ANKK1: variants seen among roughly 807,000 people sequenced by gnomAD.
ANKK1 encodes ankyrin repeat and protein kinase domain-containing protein 1.
A neutral mutation model predicts 37.6 loss-of-function variants in ANKK1; 37 were observed. That is an observed-to-expected ratio of 0.98 (90% CI 0.76 to 1.29). ANKK1 has a LOEUF of 1.29. Among genes scored for constraint, ANKK1 ranks in the 50% most tolerant of loss-of-function variants. ANKK1 has a pLI of 0.00. For synonymous variants in ANKK1, 415 were observed against 418.7 expected (o/e 0.99, Z 0.11); for missense variants, 1,019 against 990.6 (o/e 1.03, Z -0.39).
In ANKK1 at chr11:113,399,197, C is replaced by T. The variant is rs771319801; in HGVS notation, c.1228C>T (p.Leu410Phe). The T allele has an allele frequency of 1.2e-6, 2 of 1,602,634 alleles. No homozygotes were observed. Among genetic ancestry groups the T allele is most frequent in the Admixed American group, 1.7e-5 (1 of 58,636 alleles). The change falls in exon 8 of 8, where the codon CTC becomes TTC. Residue 410 changes from leucine to phenylalanine, a missense_variant. Leu to Phe is a conservative substitution (Grantham distance 22, BLOSUM62 0). Transcript: ENST00000303941. ...LIAAQDQQPD[L>F]CALLLAHGAD... ...CGCCGCCCAGGACCAGCAACCCGAC[C>T]TCTGTGCCCTGCTTTTGGCACATGG...
rs914122175 is a variant in ANKK1, at chr11:113,387,812, G to C, written c.-73G>C. On this transcript the variant is annotated 5_prime_UTR_variant, in exon 1 of 8. Transcript: ENST00000303941. The stretch of plus-strand genomic sequence containing the variant: ...CTCCCGGACCCGAGGAGCAGGAAGC[G>C]GCGGCTCCTTCGGCCACCCAGGCAG... 6 of 1,414,768 alleles carry C rather than the reference G, an allele frequency of 4.2e-6. No homozygotes were observed. Among genetic ancestry groups the C allele is most frequent in the East Asian group, 5.3e-5 (2 of 37,492 alleles). 87.6% of individuals were successfully genotyped at this position (1,414,768 alleles called of 1,614,324 possible).
In ANKK1 at chr11:113,398,943, AC is replaced by A; in HGVS notation, c.995-17del. 6.5e-7 allele frequency: 1 copy of A among 1,542,844 alleles called. No homozygotes were observed. The highest frequency in any genetic ancestry group is 8.7e-7 in the Non-Finnish European group (1 of 1,143,516). On this transcript the variant is annotated intron_variant, in intron 7 of 7. Transcript: ENST00000303941. ...GACGGGTCACAGGTCTTTTTTTTCA[AC>A]CCCATCTTTCTCCCAGCAGACTCAG...
Position 113,398,982 on chromosome 11 carries a change from A to C in ANKK1, c.1013A>C (p.Lys338Thr). The C allele has an allele frequency of 6.3e-7, 1 of 1,582,008 alleles. No homozygotes were observed. The change falls in exon 8 of 8, where the codon AAG (lysine) becomes ACG (threonine). Residue 338 changes from lysine to threonine, a missense_variant. Lys to Thr is a moderately conservative substitution (Grantham distance 78). Coordinates refer to ENST00000303941, the MANE Select transcript of ANKK1 (RefSeq NM_178510.2). ...LMDSDSGNYL[K>T]RALQLSDRKN... ...CCAGCAGACTCAGGAAACTACCTGA[A>C]GCGGGCCCTTCAGCTCTCCGACCGT...
Position 113,397,350 on chromosome 11 carries a change from T to C in ANKK1, c.957+8T>C. 1.2e-6 allele frequency: 2 copies of C among 1,605,438 alleles called. No individual in the cohort carries two copies. The highest frequency in any genetic ancestry group is 1.7e-6 in the Non-Finnish European group (2 of 1,174,300). On this transcript the variant is annotated splice_region_variant and intron_variant, in intron 6 of 7. Transcript: ENST00000303941. ...CTGCGCCAGCCCGGGGAGGTGAGTG[T>C]GTGGGCTGGGCAGTCCTTATGGTCA... is the stretch of plus-strand genomic sequence containing the variant.
chr11:113,397,112 G>A (rs1950645019), intron 5 of ANKK1, 112 bp from the exon 6 acceptor site: 1 of 867,476 alleles, frequency 1.2e-6, no homozygotes, highest in Admixed American at 2.5e-5. Flanking sequence ...GAACATATGT[G>A]AGCCCAGGAA....
chr11:113,399,277 C>A lies in ANKK1; in HGVS notation c.1308C>A (p.Ala436=). 6.2e-7 allele frequency: 1 copy of A among 1,606,002 alleles called. No homozygotes were observed. Among genetic ancestry groups the A allele is most frequent in the East Asian group, 2.2e-5 (1 of 44,544 alleles). The change falls in exon 8 of 8, where the codon GCC becomes GCA. Residue 436 remains alanine (A), a synonymous_variant. Transcript: ENST00000303941. ...EDGWAPLHFA[A]QNGDDGTARL... is the part of the protein sequence containing the mutation. ...GCTGGGCCCCACTGCACTTTGCAGC[C>A]CAGAATGGGGATGACGGCACTGCGC...
chr11:113,396,080 G>A lies in ANKK1; in HGVS notation c.696G>A (p.Met232Ile), dbSNP rs746160993. Reference sequence around the variant, plus strand: ...CTCCCTTTGCAGGGTTCAACATGATGATGATTATTATCCGAGTGGCGGCAG... The same window carrying A: ...CTCCCTTTGCAGGGTTCAACATGATAATGATTATTATCCGAGTGGCGGCAG... The part of the protein sequence containing the change: ...QKKPYSGFNM[M>I]MIIIRVAAGM... Residue 232 changes from methionine to isoleucine, a missense_variant, in exon 5 of 8, where the codon ATG becomes ATA. Physicochemically the swap from Met to Ile is conservative, Grantham distance 10 (BLOSUM62 1). Transcript: ENST00000303941. 2.0e-5 allele frequency: 32 copies of A among 1,613,928 alleles called. No homozygotes were observed. The highest frequency in any genetic ancestry group is 2.6e-5 in the Non-Finnish European group (31 of 1,179,906).
In ANKK1 at chr11:113,399,734, C is replaced by A. The variant is rs772847732; in HGVS notation, c.1765C>A (p.Pro589Thr). The change falls in exon 8 of 8, where the codon CCC (proline) becomes ACC (threonine). Residue 589 changes from proline to threonine, a missense_variant. Physicochemically the swap from Pro to Thr is conservative, Grantham distance 38. Transcript: ENST00000303941. ...LLRYGASLELPTHQGWTPLHL... is the reference protein window; with the variant it reads ...LLRYGASLELTTHQGWTPLHL... ...CAGGTACGGAGCCAGCCTTGAGCTG[C>A]CCACCCACCAGGGCTGGACACCCCT... The A allele has an allele frequency of 6.2e-7, 1 of 1,601,728 alleles. No homozygotes were observed. Among genetic ancestry groups the A allele is most frequent in the Non-Finnish European group, 8.5e-7 (1 of 1,174,356 alleles).
chr11:113,397,211 A>G lies in ANKK1; in HGVS notation c.839-13A>G. ...TTGCTTCCTTTCCTGTCTTTCTCCC[A>G]CTCATGGAGCAGACATTACCATCGA... is the stretch of plus-strand genomic sequence containing the variant. On this transcript the variant is annotated splice_polypyrimidine_tract_variant and intron_variant, in intron 5 of 7. Coordinates refer to ENST00000303941, the MANE Select transcript of ANKK1 (RefSeq NM_178510.2). 1.3e-6 allele frequency: 2 copies of G among 1,599,886 alleles called. No individual in the cohort carries two copies. The highest frequency in any genetic ancestry group is 1.7e-6 in the Non-Finnish European group (2 of 1,175,878).
At position 113,398,008 on chromosome 11, in the gene ANKK1, T is replaced by C. The variant is rs1169988106; in HGVS notation, c.986T>C (p.Met329Thr). ...EVNEDISQEL[M>T]DSDSGNYLKR... The stretch of plus-strand genomic sequence containing the variant: ...AATGAGGACATCAGCCAGGAACTGA[T>C]GGACAGTGGTGAGTCTGGGTGCCAC... Residue 329 changes from methionine (M) to threonine (T), a missense_variant, in exon 7 of 8, where the codon ATG becomes ACG. By Grantham distance (81) the Met-to-Thr change is moderately conservative (BLOSUM62 -1). Transcript: ENST00000303941. 1 of 1,565,090 alleles carries C rather than the reference T, an allele frequency of 6.4e-7. No individual in the cohort carries two copies. Among genetic ancestry groups the C allele is most frequent in the Non-Finnish European group, 8.7e-7 (1 of 1,154,380 alleles).
chr11:113,399,515 CA>C lies in ANKK1; in HGVS notation c.1547del (p.Gln516ArgfsTer12). ...HVSLVKLLTS[Q>X]GAELDAQQRN... Reference sequence around the variant, plus strand: ...TAGCCTGGTCAAGCTGCTGACCAGCCAGGGGGCTGAGTTGGATGCTCAGCAG... The same window carrying C: ...TAGCCTGGTCAAGCTGCTGACCAGCCGGGGGCTGAGTTGGATGCTCAGCAG... On this transcript the variant is annotated frameshift_variant, in exon 8 of 8. Transcript: ENST00000303941. LOFTEE classifies it low-confidence loss of function (END_TRUNC). 6.3e-7 allele frequency: 1 copy of C among 1,594,944 alleles called. No homozygotes were observed. Among genetic ancestry groups the C allele is most frequent in the Non-Finnish European group, 8.5e-7 (1 of 1,171,164 alleles).
Position 113,398,865 on chromosome 11 carries a change from C to A in ANKK1, c.995-99C>A, listed in dbSNP as rs112318042. 5.4e-3 allele frequency: 5,775 copies of A among 1,069,364 alleles called. 168 individuals are homozygous for A. The African/African-American group carries it at 0.068, about 13-fold the overall frequency. The allele number at this position is 1,069,364 out of a possible 1,614,324, so 66.2% of individuals were successfully genotyped here. The stretch of plus-strand genomic sequence containing the variant: ...GGCATTGCCCTTACTGCTCTAGCCT[C>A]TGTTCCTGGATGGTACTTCCAGGAG... On this transcript the variant is annotated intron_variant, in intron 7 of 7. Transcript: ENST00000303941.
At position 113,400,282 on chromosome 11, in the gene ANKK1, C is replaced by G. The variant is rs375875018; in HGVS notation, c.*15C>G. 151 of 1,526,146 alleles carry G rather than the reference C, an allele frequency of 9.9e-5. No individual in the cohort carries two copies. The African/African-American group carries it at 1.7e-3, about 17-fold the overall frequency. The allele number at this position is 1,526,146 out of a possible 1,614,324, so 94.5% of individuals were successfully genotyped here. A position where few individuals can be genotyped will look rare whatever the true frequency, so the allele number is the denominator to read the frequency against. On this transcript the variant is annotated 3_prime_UTR_variant, in exon 8 of 8. Coordinates refer to ENST00000303941, the MANE Select transcript of ANKK1 (RefSeq NM_178510.2). ...TGGAAATTTAGACAACTTGGCCAGC[C>G]GTGGTGGCTCACGTCTGTAATCCCA... is the stretch of plus-strand genomic sequence containing the variant.
chr11:113,395,176 GGGCATGAGGTCTGGCCCAA>G (rs1430583706), intron 3 of ANKK1, 96 bp downstream of exon 3: 8 of 1,510,612 alleles, frequency 5.3e-6, no homozygotes, highest in Non-Finnish European at 7.1e-6. Context: ...AGGGCAGTGC[GGGCATGAGGTCTGGCCCAA>G]GGCGGAGGAC....
chr11:113,397,360 G>A lies in ANKK1; in HGVS notation c.957+18G>A. On this transcript the variant is annotated intron_variant, in intron 6 of 7. Coordinates refer to ENST00000303941, the MANE Select transcript of ANKK1 (RefSeq NM_178510.2). ...CCGGGGAGGTGAGTGTGTGGGCTGGGCAGTCCTTATGGTCATGCTAAGCTG... is the reference window on the plus strand; with the variant it reads ...CCGGGGAGGTGAGTGTGTGGGCTGGACAGTCCTTATGGTCATGCTAAGCTG... 2 of 1,597,004 alleles carry A rather than the reference G, an allele frequency of 1.3e-6. No individual in the cohort carries two copies. The highest frequency in any genetic ancestry group is 8.6e-7 in the Non-Finnish European group (1 of 1,167,540).
chr11:113,388,130 G>A lies in ANKK1; in HGVS notation c.185+61G>A. On this transcript the variant is annotated intron_variant, in intron 1 of 7. Coordinates refer to ENST00000303941, the MANE Select transcript of ANKK1 (RefSeq NM_178510.2). ...GAAACTGAGGCCCGGCAAGCTTTGG[G>A]CCCAGGGAGCTTGCGAGGAAGGAGT... 5.6e-6 allele frequency: 8 copies of A among 1,428,708 alleles called. 1 individual carries two copies. In the South Asian group the frequency reaches 1.2e-4, roughly 21 times the overall value. The allele number at this position is 1,428,708 out of a possible 1,614,324, so 88.5% of individuals were successfully genotyped here. A position where few individuals can be genotyped will look rare whatever the true frequency, so the allele number is the denominator to read the frequency against.
At chr11:113,388,112 A>C (rs769430211) in intron 1 of ANKK1, 43 bp downstream of exon 1, 801 of 1,437,238 alleles carry the variant, frequency 5.6e-4, no homozygotes, top group Non-Finnish European at 7.0e-4. Flanking sequence ...GGAGAAACTG[A>C]GGCCCGGCAA....
At chr11:113,395,858 G>A (rs1229459602) in intron 4 of ANKK1, among the ~76,000 whole-genome samples, 2 of 152,186 alleles carry the variant, frequency 1.3e-5, no homozygotes, top group Non-Finnish European at 1.5e-5. Flanking sequence ...GTCTTGACCT[G>A]GGAGGCAGCT....
At chr11:113,395,511 C>A in intron 4 of ANKK1, 103 bp downstream of exon 4, 1 of 1,280,016 alleles carries the variant, frequency 7.8e-7, no homozygotes, top group Non-Finnish European at 1.1e-6. Flanking sequence ...GGTCAAGTTG[C>A]AGGTTTGTGT....
Sources: allele counts gnomAD v4.1 joint callset (sites outside exome capture counted in the v4.1 genomes callset), GRCh38; gene constraint gnomAD v4.1.1; transcripts MANE v1.5; gene names NCBI Gene and HGNC (gene_info 2026-07-23, HGNC 2026-07-21).